NCAPH: variants seen among roughly 807,000 people sequenced by gnomAD.
The protein encoded by NCAPH is non-SMC condensin I complex subunit H, also known as condensin complex subunit 2.
Under a neutral mutation model 85.5 loss-of-function variants are expected in NCAPH, and 38 were observed. The ratio of observed to expected loss-of-function variants is 0.44; its 90% CI spans 0.34 to 0.58. The LOEUF (loss-of-function observed/expected upper bound fraction) is 0.58. Ranked by LOEUF, NCAPH falls within the 20% of genes least tolerant of loss-of-function variation. NCAPH has a pLI of 0.01. For synonymous variants in NCAPH, 301 were observed against 335.1 expected, an observed-to-expected ratio of 0.90 and a Z score of 1.11; for missense variants, 789 against 916.6, an observed-to-expected ratio of 0.86 and a Z score of 1.80.
intron 6 of NCAPH, among the ~76,000 whole-genome samples, chr2:96,346,273 G>A (rs1392896360): frequency 6.6e-6 from 1 of 152,152 alleles, no homozygotes; most frequent in Non-Finnish European, 1.5e-5. Flanking sequence ...CGTGAGGAGG[G>A]GAAAGGGTAG....
chr2:96,339,915 T>C (rs1377204323), intron 1 of NCAPH, among the ~76,000 whole-genome samples: 2 of 152,058 alleles, frequency 1.3e-5, no homozygotes, highest in African/African-American at 4.8e-5. Flanking sequence ...TCTCCTTCTT[T>C]ATTTTTACTT....
At position 96,375,385 on chromosome 2, in the gene NCAPH, T is replaced by C. The variant is rs2064821207; in HGVS notation, c.*2034T>C. 6.6e-6 allele frequency among the ~76,000 whole-genome samples: 1 copy of C among 152,154 alleles called. No homozygotes were observed. The highest frequency in any genetic ancestry group is 2.4e-5 in the African/African-American group (1 of 41,434). ...TGTTGGTATTAAGAGATAGGGCCTT[T>C]GGGAGGTGATTAGGTTATGAGGGCA... On this transcript the variant is annotated 3_prime_UTR_variant, in exon 18 of 18. Transcript: ENST00000240423.
intron 13 of NCAPH, 129 bp from the exon 14 acceptor site, chr2:96,365,747 C>A: frequency 1.1e-6 from 1 of 894,588 alleles, no homozygotes; most frequent in Non-Finnish European, 1.8e-6. Flanking sequence ...AGAAGTTCAT[C>A]GTAGTGTAAC....
Position 96,335,779 on chromosome 2 carries a change from G to C in NCAPH, c.-51G>C. On this transcript the variant is annotated 5_prime_UTR_variant, in exon 1 of 18. Transcript: ENST00000240423. ...CGTCACGCGGCCGTTACGGCGCTCA[G>C]GCGTCTCGACGCGCGCGATTTAAAA... is the stretch of plus-strand genomic sequence containing the variant. 1 of 1,465,506 alleles carries C rather than the reference G, an allele frequency of 6.8e-7. No individual in the cohort carries two copies. The highest frequency in any genetic ancestry group is 1.3e-5 in the South Asian group (1 of 75,044). The allele number at this position is 1,465,506 out of a possible 1,614,324, so 90.8% of individuals were successfully genotyped here.
chr2:96,368,029 A>G (rs549726086), intron 15 of NCAPH, among the ~76,000 whole-genome samples: 3 of 152,340 alleles, frequency 2.0e-5, no homozygotes, highest in Non-Finnish European at 2.9e-5. Context: ...GTCAGATTCT[A>G]CTTCTTCAGA....
chr2:96,352,159 G>A, intron 7 of NCAPH, 139 bp downstream of exon 7: 11 of 864,020 alleles, frequency 1.3e-5, no homozygotes, highest in Non-Finnish European at 1.9e-5. Context: ...GCCAAATTGT[G>A]TATCCTTTTG....
intron 12 of NCAPH, among the ~76,000 whole-genome samples, chr2:96,363,036 T>C (rs1282750168): frequency 5.9e-5 from 9 of 152,154 alleles, no homozygotes; most frequent in African/African-American, 4.8e-5. Flanking sequence ...GCAAACTTCA[T>C]TGTTGTCTTA....
chr2:96,368,922 C>A (rs960376444), intron 15 of NCAPH, 50 bp from the exon 16 acceptor site: 3 of 1,503,646 alleles, frequency 2.0e-6, no homozygotes, highest in Non-Finnish European at 2.7e-6. Context: ...GTTGCCCTTT[C>A]AAAAGTGCAC....
chr2:96,354,340 A>C lies in NCAPH; in HGVS notation c.1160A>C (p.His387Pro), dbSNP rs774218021. 20 of 1,613,348 alleles carry C rather than the reference A, an allele frequency of 1.2e-5. No homozygotes were observed. Among genetic ancestry groups the C allele is most frequent in the Admixed American group, 1.7e-5 (1 of 59,914 alleles). The part of the protein sequence containing the change: ...DEPDHTAVGD[H>P]EEFRSWKEPC... Reference sequence around the variant, plus strand: ...CCTGACCACACCGCAGTTGGGGATCATGAAGAGTTCAGGAGCTGGAAGGAG... The same window carrying C: ...CCTGACCACACCGCAGTTGGGGATCCTGAAGAGTTCAGGAGCTGGAAGGAG... Residue 387 changes from histidine to proline, a missense_variant, in exon 9 of 18, where the codon CAT (histidine) becomes CCT (proline). Physicochemically the swap from His to Pro is moderately conservative, Grantham distance 77. Transcript: ENST00000240423.
chr2:96,338,241 G>GAAAAAAAAAA, intron 1 of NCAPH, among the ~76,000 whole-genome samples: 1 of 80,830 alleles, frequency 1.2e-5, no homozygotes, highest in African/African-American at 5.0e-5. Context: ...CTATTTTATT[G>GAAAAAAAAAA]AAAAAAAAAA....
At chr2:96,342,207 G>A (rs940969992) in intron 3 of NCAPH, 67 bp downstream of exon 3, 2 of 1,336,174 alleles carry the variant, frequency 1.5e-6, no homozygotes, top group African/African-American at 2.9e-5. Flanking sequence ...CAGCTATCTT[G>A]TTTCTGTAGA....
rs1395067276 is a variant in NCAPH, at chr2:96,364,490, A to G, written c.1597A>G (p.Met533Val). ...TTATTCTTTCCTTTAGTTACTTAAG[A>G]TGGCCCAGGGCCATAGGGTAGAGAC... is the stretch of plus-strand genomic sequence containing the variant. ...HLKPGTRLLK[M>V]AQGHRVETEH... is the part of the protein sequence containing the mutation. The change falls in exon 13 of 18, where the codon ATG becomes GTG. Residue 533 changes from methionine (M) to valine (V), a missense_variant. Physicochemically the swap from Met to Val is conservative, Grantham distance 21. Transcript: ENST00000240423. 6.2e-7 allele frequency: 1 copy of G among 1,603,178 alleles called. No homozygotes were observed. Among genetic ancestry groups the G allele is most frequent in the East Asian group, 2.2e-5 (1 of 44,828 alleles).
intron 6 of NCAPH, among the ~76,000 whole-genome samples, chr2:96,349,833 A>G (rs1239144319): frequency 6.6e-6 from 1 of 152,234 alleles, no homozygotes; most frequent in Non-Finnish European, 1.5e-5. Flanking sequence ...AGTTCTTTAT[A>G]CCAGGAGAAT....
chr2:96,338,241 GAAAAAAAA>G (rs34560390), intron 1 of NCAPH, among the ~76,000 whole-genome samples: 4 of 80,830 alleles, frequency 4.9e-5, no homozygotes, highest in East Asian at 6.8e-4. Context: ...CTATTTTATT[GAAAAAAAA>G]AAAAAAAAAA....
At chr2:96,362,723 G>C (rs999995764) in intron 12 of NCAPH, among the ~76,000 whole-genome samples, 1 of 152,242 alleles carries the variant, frequency 6.6e-6, no homozygotes, top group Non-Finnish European at 1.5e-5. Flanking sequence ...GGAGCCTGAT[G>C]ATGTGACTAC....
chr2:96,363,140 A>G (rs2064650238), intron 12 of NCAPH, among the ~76,000 whole-genome samples: 1 of 152,256 alleles, frequency 6.6e-6, no homozygotes. Context: ...ACCCTTTAAC[A>G]GCAAAAATAT....
intron 1 of NCAPH, among the ~76,000 whole-genome samples, chr2:96,341,101 T>C (rs1459386982): frequency 6.6e-6 from 1 of 152,254 alleles, no homozygotes; most frequent in African/African-American, 2.4e-5. Context: ...AGAGTTTTTA[T>C]TGTAAAAGAC....
chr2:96,342,734 T>A, intron 3 of NCAPH, 22 bp from the exon 4 acceptor site: 1 of 1,575,896 alleles, frequency 6.3e-7, no homozygotes, highest in Non-Finnish European at 8.7e-7. Context: ...TAACAATCCT[T>A]TCTGCAATTT....
In NCAPH at chr2:96,337,297, G is replaced by A. The variant is rs1573057868; in HGVS notation, c.19+1449G>A. On this transcript the variant is annotated intron_variant, in intron 1 of 17. Coordinates refer to ENST00000240423, the MANE Select transcript of NCAPH (RefSeq NM_015341.5). ...TTAAGGTATCCTCTCCAAAGGTCCA[G>A]GTTCCTTCCTTAGCCTGTAGCCTAC... Among the ~76,000 whole-genome samples the A allele has an allele frequency of 3.3e-5, 5 of 152,212 alleles. 1 individual carries two copies. The South Asian group carries it at 1.0e-3, about 31-fold the overall frequency.
Sources: allele counts gnomAD v4.1 joint callset (sites outside exome capture counted in the v4.1 genomes callset), GRCh38; gene constraint gnomAD v4.1.1; transcripts MANE v1.5; gene names NCBI Gene and HGNC (gene_info 2026-07-23, HGNC 2026-07-21).